The following SV2C variants were observed in gnomAD, a reference collection of about 807,000 sequenced individuals.
SV2C encodes synaptic vesicle glycoprotein 2C, also known as solute carrier family 22 member B3.
A neutral mutation model predicts 79.7 loss-of-function variants in SV2C; 49 were observed. That is an observed-to-expected ratio of 0.61 (90% CI 0.49 to 0.78). The LOEUF is 0.78. SV2C is among the 30% of genes least tolerant of loss of function. The probability of loss-of-function intolerance (pLI) is 0.00; values close to 1 mark genes in which losing one functional copy is unlikely to be tolerated. For synonymous variants in SV2C, 334 were observed against 333.2 expected (o/e 1.00, Z -0.03); for missense variants, 833 against 912.9 (o/e 0.91, Z 1.13).
chr5:76,202,930 T>C (rs1390308744), intron 3 of SV2C, among the ~76,000 whole-genome samples: 1 of 152,234 alleles, frequency 6.6e-6, no homozygotes, highest in African/African-American at 2.4e-5. Context: ...TGACTATATA[T>C]TAAAATTAAC....
the SV2C span, among the ~76,000 whole-genome samples, chr5:75,909,319 C>A: frequency 3.3e-5 from 5 of 152,348 alleles, no homozygotes; most frequent in Middle Eastern, 3.4e-3. Flanking sequence ...GTACTGGCGT[C>A]TTTGTTCCTG....
chr5:76,207,165 C>A (rs1486746239), intron 3 of SV2C, among the ~76,000 whole-genome samples: 15 of 143,348 alleles, frequency 1.0e-4, no homozygotes, highest in South Asian at 4.4e-4. Flanking sequence ...AGCCACACTG[C>A]AAAAAAAAAA....
chr5:76,173,867 G>T, intron 2 of SV2C: 3 of 1,597,630 alleles, frequency 1.9e-6, no homozygotes, highest in Non-Finnish European at 2.6e-6. Context: ...AACATCATCA[G>T]TGTCTTTAAC....
chr5:75,900,692 C>T, the SV2C span, among the ~76,000 whole-genome samples: 1 of 152,218 alleles, frequency 6.6e-6, no homozygotes, highest in South Asian at 2.1e-4. Context: ...CCGTCACTTT[C>T]ACATGTAGTA....
chr5:75,945,953 A>T, the SV2C span, among the ~76,000 whole-genome samples: 7 of 152,092 alleles, frequency 4.6e-5, no homozygotes, highest in Non-Finnish European at 8.8e-5. Context: ...AATTTATAGT[A>T]TTAAATGCTT....
chr5:75,995,966 A>T, the SV2C span, among the ~76,000 whole-genome samples: 22 of 152,286 alleles, frequency 1.4e-4, 1 homozygote, highest in East Asian at 1.9e-4. Context: ...TAGAAAAGTG[A>T]AAACAACAGA....
At chr5:76,271,533 G>A (rs557092945) in intron 4 of SV2C, among the ~76,000 whole-genome samples, 2 of 151,856 alleles carry the variant, frequency 1.3e-5, no homozygotes, top group African/African-American at 2.4e-5. Context: ...TGGAGCATAC[G>A]TGGAGCATTT....
chr5:75,906,158 G>C, the SV2C span, among the ~76,000 whole-genome samples: 1 of 151,922 alleles, frequency 6.6e-6, no homozygotes, highest in Admixed American at 6.6e-5. Context: ...CCTCAGTTGT[G>C]ACAACCAAAA....
At chr5:76,113,090 G>C (rs1055261946) in intron 1 of SV2C, among the ~76,000 whole-genome samples, 1 of 152,170 alleles carries the variant, frequency 6.6e-6, no homozygotes, top group Non-Finnish European at 1.5e-5. Flanking sequence ...GTACGTGTTT[G>C]TGTTTTTAAA....
chr5:76,199,321 T>A (rs1287627423), intron 3 of SV2C, among the ~76,000 whole-genome samples: 1 of 152,156 alleles, frequency 6.6e-6, no homozygotes, highest in Non-Finnish European at 1.5e-5. Flanking sequence ...ATGTTGGGAA[T>A]GTTTCTTTTG....
intron 4 of SV2C, among the ~76,000 whole-genome samples, chr5:76,232,375 T>C (rs1347878531): frequency 2.5e-4 from 37 of 150,902 alleles, no homozygotes; most frequent in East Asian, 7.8e-4. Flanking sequence ...AAATTTTCTC[T>C]CATTTTGTAG....
Position 76,210,014 on chromosome 5 carries a change from A to T in SV2C, c.913+127A>T, listed in dbSNP as rs988486758. 4.2e-6 allele frequency: 5 copies of T among 1,178,918 alleles called. No individual in the cohort carries two copies. The Admixed American group carries it at 7.8e-5, about 18-fold the overall frequency. The allele number at this position is 1,178,918 out of a possible 1,614,324, so 73.0% of individuals were successfully genotyped here. ...ACTCATCATCATGTTTCTCCCTTTC[A>T]TAGTGTCCAGGAGTTTTTCCCCTCT... On this transcript the variant is annotated intron_variant, in intron 4 of 12. Coordinates refer to ENST00000502798, the MANE Select transcript of SV2C (RefSeq NM_014979.4).
chr5:75,910,789 C>A, the SV2C span: 1 of 1,346,028 alleles, frequency 7.4e-7, no homozygotes. Flanking sequence ...ATGTTGGCTG[C>A]TATGTGACCA....
chr5:75,868,695 A>G, the SV2C span, among the ~76,000 whole-genome samples: 423 of 152,250 alleles, frequency 2.8e-3, 5 homozygotes, highest in African/African-American at 9.7e-3. Context: ...CTGAGGATTG[A>G]GAAGGGAATT....
intron 12 of SV2C, chr5:76,311,424 G>A (rs1748436856): frequency 1.3e-5 from 2 of 152,236 alleles, no homozygotes; most frequent in Non-Finnish European, 2.9e-5. Flanking sequence ...AGACGGAAAA[G>A]CAAATGTTGC....
At chr5:75,956,032 C>T in the SV2C span, among the ~76,000 whole-genome samples, 1 of 145,070 alleles carries the variant, frequency 6.9e-6, no homozygotes, top group Non-Finnish European at 1.5e-5. Flanking sequence ...TTGACCCAGC[C>T]ATCCCATTAC....
At chr5:76,042,670 T>C in the SV2C span, among the ~76,000 whole-genome samples, 1 of 152,220 alleles carries the variant, frequency 6.6e-6, no homozygotes, top group Non-Finnish European at 1.5e-5. Flanking sequence ...CTGTCCTCCA[T>C]GGCTCTGCTC....
chr5:75,932,730 C>T, the SV2C span, among the ~76,000 whole-genome samples: 2 of 152,164 alleles, frequency 1.3e-5, no homozygotes, highest in Non-Finnish European at 2.9e-5. Flanking sequence ...CCTTGCCCTG[C>T]TCCAGTAAAC....
intron 1 of SV2C, among the ~76,000 whole-genome samples, chr5:76,096,529 G>T (rs1225216939): frequency 2.0e-5 from 3 of 152,118 alleles, no homozygotes; most frequent in South Asian, 2.1e-4. Context: ...TTGAATTCAG[G>T]TCTTTTATCC....
Sources: allele counts gnomAD v4.1 joint callset (sites outside exome capture counted in the v4.1 genomes callset), GRCh38; gene constraint gnomAD v4.1.1; transcripts MANE v1.5; gene names NCBI Gene and HGNC (gene_info 2026-07-23, HGNC 2026-07-21).